The following UBR1 variants were observed in gnomAD, a reference collection of about 807,000 sequenced individuals.
UBR1 encodes the protein ubiquitin protein ligase E3 component n-recognin 1.
Under a neutral mutation model 242.1 loss-of-function variants are expected in UBR1, and 102 were observed. The observed-to-expected ratio is 0.42, with a 90% CI of 0.36 to 0.50. The LOEUF is 0.50. Among genes scored for constraint, UBR1 ranks in the 20% least tolerant of loss-of-function variants. UBR1 has a pLI of 0.01. For synonymous variants in UBR1, 675 were observed against 684.8 expected, an observed-to-expected ratio of 0.99 and a Z score of 0.22; for missense variants, 1,772 against 2,101.8, an observed-to-expected ratio of 0.84 and a Z score of 3.07.
rs2032990496 is a variant in UBR1, at chr15:43,014,857, A to C, written c.3209+831T>G. ...GGTGGGGGTCAGCCCCCGCCCGGCC[A>C]GCCGCCCCGTCCCAGAGGGAGGTGG... On this transcript the variant is annotated intron_variant, in intron 29 of 46. Coordinates refer to ENST00000290650, the MANE Select transcript of UBR1 (RefSeq NM_174916.3). Among the ~76,000 whole-genome samples the C allele has an allele frequency of 2.1e-5, 3 of 141,568 alleles. No homozygotes were observed. The South Asian group carries it at 6.8e-4, about 32-fold the overall frequency. The allele number at this position is 141,568 out of a possible 152,430, so 92.9% of individuals were successfully genotyped here.
At chr15:43,031,015 A>G (rs947917309) in intron 20 of UBR1, among the ~76,000 whole-genome samples, 3 of 152,232 alleles carry the variant, frequency 2.0e-5, no homozygotes, top group African/African-American at 7.2e-5. Context: ...GAGATCACGT[A>G]GGTTACCTCC....
intron 14 of UBR1, among the ~76,000 whole-genome samples, chr15:43,043,922 C>T (rs959674013): frequency 6.6e-6 from 1 of 151,870 alleles, no homozygotes; most frequent in Non-Finnish European, 1.5e-5. Flanking sequence ...ACTAATTGCT[C>T]TAAGAGGGGG....
intron 3 of UBR1, among the ~76,000 whole-genome samples, chr15:43,080,386 A>C (rs1482969669): frequency 1.3e-5 from 2 of 152,194 alleles, no homozygotes; most frequent in African/African-American, 2.4e-5. Context: ...CCCAGCCACT[A>C]GCAACCACTG....
At chr15:42,992,137 T>G (rs775212103) in intron 33 of UBR1, among the ~76,000 whole-genome samples, 1 of 152,214 alleles carries the variant, frequency 6.6e-6, no homozygotes, top group African/African-American at 2.4e-5. Flanking sequence ...GGTTGGTTTT[T>G]TTAGTTCCTA....
At chr15:43,008,298 G>A (rs1015151898) in intron 29 of UBR1, among the ~76,000 whole-genome samples, 3 of 152,274 alleles carry the variant, frequency 2.0e-5, no homozygotes, top group Non-Finnish European at 1.5e-5. Flanking sequence ...TCAGAAGTGC[G>A]TGTTCTGAGC....
In UBR1 at chr15:43,028,088, C is replaced by T. The variant is rs1257522564; in HGVS notation, c.2380-260G>A. Among the ~76,000 whole-genome samples the T allele has an allele frequency of 6.6e-5, 10 of 152,236 alleles. No homozygotes were observed. The East Asian group carries it at 1.9e-3, about 29-fold the overall frequency. ...CTTCATATGTGTGTATAAGTACACA[C>T]ATACATCTACAGCATACACACATAG... On this transcript the variant is annotated intron_variant, in intron 21 of 46. Transcript: ENST00000290650.
chr15:43,099,930 C>T (rs2034209377), intron 1 of UBR1, among the ~76,000 whole-genome samples: 1 of 150,654 alleles, frequency 6.6e-6, no homozygotes, highest in Non-Finnish European at 1.5e-5. Context: ...GACTGGAGTG[C>T]AGTGGTGTGA....
At chr15:42,951,380 C>T (rs1401217259) in intron 45 of UBR1, among the ~76,000 whole-genome samples, 2 of 152,132 alleles carry the variant, frequency 1.3e-5, no homozygotes, top group Non-Finnish European at 2.9e-5. Context: ...TGCGCCACCA[C>T]GCCCAGCTAA....
chr15:43,087,399 C>T (rs2034051245), intron 1 of UBR1, among the ~76,000 whole-genome samples: 1 of 149,750 alleles, frequency 6.7e-6, no homozygotes, highest in African/African-American at 2.5e-5. Flanking sequence ...AGTGAGACTC[C>T]AACTCAAAAA....
chr15:43,029,217 A>C (rs1170523339), intron 21 of UBR1, among the ~76,000 whole-genome samples: 4 of 152,234 alleles, frequency 2.6e-5, no homozygotes, highest in Admixed American at 6.5e-5. Flanking sequence ...TTTCTAACTC[A>C]TATTCAAATC....
chr15:42,966,010 C>A, intron 41 of UBR1, 143 bp downstream of exon 41: 1 of 1,228,724 alleles, frequency 8.1e-7, no homozygotes, highest in East Asian at 2.5e-5. Flanking sequence ...TACACCAGGG[C>A]TCATGTTTGA....
intron 3 of UBR1, among the ~76,000 whole-genome samples, chr15:43,075,843 G>A (rs974278702): frequency 2.0e-5 from 3 of 151,790 alleles, no homozygotes; most frequent in African/African-American, 7.3e-5. Flanking sequence ...TCAAACTCCC[G>A]ACCTCAGGTG....
chr15:43,096,886 G>A (rs1304578203), intron 1 of UBR1, among the ~76,000 whole-genome samples: 1 of 151,786 alleles, frequency 6.6e-6, no homozygotes, highest in African/African-American at 2.4e-5. Flanking sequence ...CAGGAGGGTT[G>A]GAATCAACTT....
In UBR1 at chr15:43,022,927, A is replaced by T. The variant is rs545763685; in HGVS notation, c.2740-126T>A. ...ACCCAGGTTGGAGTGCAGTGGGGCA[A>T]TCCTAGCTTACTGCAGCCTTAAGCT... On this transcript the variant is annotated intron_variant, in intron 25 of 46. Transcript: ENST00000290650. 1.2e-5 allele frequency: 7 copies of T among 577,042 alleles called. No individual in the cohort carries two copies. The East Asian group carries it at 2.1e-4, about 17-fold the overall frequency. 35.7% of individuals were successfully genotyped at this position (577,042 alleles called of 1,614,324 possible). A position where few individuals can be genotyped will look rare whatever the true frequency, so the allele number is the denominator to read the frequency against.
rs773042073 is a variant in UBR1 at position 42,952,411 on chromosome 15, C to T, written c.4873G>A (p.Val1625Ile). ...RSADDERKHP[V>I]LCLFCGAILC... is the part of the protein sequence containing the mutation. ...ATAGCCCCACAGAAAAGGCAGAGGA[C>T]AGGATGCTTTCGCTCATCATCTGCA... The change falls in exon 45 of 47, where the codon GTC (valine) becomes ATC (isoleucine). Residue 1625 changes from valine (V) to isoleucine (I), a missense_variant. Val to Ile is a conservative substitution (Grantham distance 29). Coordinates refer to ENST00000290650, the MANE Select transcript of UBR1 (RefSeq NM_174916.3). The T allele has an allele frequency of 1.2e-6, 2 of 1,614,202 alleles. No individual in the cohort carries two copies. The highest frequency in any genetic ancestry group is 1.7e-5 in the Admixed American group (1 of 60,016).
rs1250234580 is a variant in UBR1 at position 43,037,763 on chromosome 15, T to G, written c.2022+10A>C. Reference sequence around the variant, plus strand: ...ACATTCATAAATATGAATAATAGACTTTGCTGTACCTGGCTAATAAGAGAC... The same window carrying G: ...ACATTCATAAATATGAATAATAGACGTTGCTGTACCTGGCTAATAAGAGAC... On this transcript the variant is annotated intron_variant, in intron 17 of 46. Transcript: ENST00000290650. The G allele has an allele frequency of 3.7e-6, 6 of 1,612,168 alleles. No homozygotes were observed. The highest frequency in any genetic ancestry group is 1.3e-5 in the African/African-American group (1 of 74,852).
At chr15:43,060,011 C>T (rs773218045) in intron 7 of UBR1, 41 bp downstream of exon 7, 4 of 1,604,732 alleles carry the variant, frequency 2.5e-6, no homozygotes, top group Admixed American at 1.7e-5. Flanking sequence ...AATGTACATT[C>T]ATCTTTAACT....
intron 15 of UBR1, among the ~76,000 whole-genome samples, chr15:43,040,580 A>G (rs1339858276): frequency 6.6e-6 from 1 of 152,232 alleles, no homozygotes; most frequent in Non-Finnish European, 1.5e-5. Context: ...AATGGCAACA[A>G]AAGACAAAAT....
chr15:43,055,599 A>G (rs760914226), intron 11 of UBR1, among the ~76,000 whole-genome samples: 2 of 152,168 alleles, frequency 1.3e-5, no homozygotes, highest in Non-Finnish European at 2.9e-5. Flanking sequence ...CCAAGTTTGG[A>G]TAACTATCTA....
Sources: allele counts gnomAD v4.1 joint callset (sites outside exome capture counted in the v4.1 genomes callset), GRCh38; gene constraint gnomAD v4.1.1; transcripts MANE v1.5; gene names NCBI Gene and HGNC (gene_info 2026-07-23, HGNC 2026-07-21).